SDK1: variants seen among roughly 807,000 people sequenced by gnomAD.
SDK1 encodes the protein protein sidekick-1.
In SDK1, 157 loss-of-function variants were observed where a neutral mutation model predicts 245.5. The observed-to-expected ratio is 0.64, with a 90% CI of 0.56 to 0.73. SDK1 has a LOEUF of 0.73. Among genes scored for constraint, SDK1 ranks in the 30% least tolerant of loss-of-function variants. The probability of loss-of-function intolerance (pLI) is 0.00; values close to 1 mark genes in which losing one functional copy is unlikely to be tolerated. For synonymous variants in SDK1, 1,647 were observed against 1,278.5 expected (o/e 1.29, Z -6.15); for missense variants, 3,583 against 3,002.3 (o/e 1.19, Z -4.52).
At chr7:3,857,384 G>A (rs752555052) in intron 5 of SDK1, among the ~76,000 whole-genome samples, 15 of 152,060 alleles carry the variant, frequency 9.9e-5, no homozygotes, top group East Asian at 1.9e-4. Flanking sequence ...GATTACTTGC[G>A]TAGAAAACCT....
Position 4,027,411 on chromosome 7 carries a change from G to C in SDK1, c.2602+10059G>C, listed in dbSNP as rs75677983. On this transcript the variant is annotated intron_variant, in intron 17 of 44. Coordinates refer to ENST00000404826, the MANE Select transcript of SDK1 (RefSeq NM_152744.4). ...GTGGGCTCCTTAGCATGTGTAGGTG[G>C]GGTTTGCACAGTCCCGTAGGGATAC... Among the ~76,000 whole-genome samples, 2,078 of 152,238 alleles carry C rather than the reference G, an allele frequency of 0.014. 124 individuals carry two copies. In the East Asian group the frequency reaches 0.18, roughly 14 times the overall value.
intron 1 of SDK1, among the ~76,000 whole-genome samples, chr7:3,551,835 C>T (rs1227170877): frequency 6.6e-6 from 1 of 152,042 alleles, no homozygotes; most frequent in African/African-American, 2.4e-5. Flanking sequence ...GCCACTGCAC[C>T]TGGCCTAAAT....
At chr7:3,970,902 G>C (rs571201436) in intron 11 of SDK1, among the ~76,000 whole-genome samples, 5 of 152,320 alleles carry the variant, frequency 3.3e-5, no homozygotes, top group African/African-American at 1.2e-4. Context: ...TTAGAGGTAT[G>C]GGTGCTACAG....
chr7:3,586,170 G>A (rs1780681593), intron 1 of SDK1, among the ~76,000 whole-genome samples: 1 of 151,856 alleles, frequency 6.6e-6, no homozygotes, highest in Admixed American at 6.6e-5. Context: ...AGTGAAGTGT[G>A]CCACACCCAG....
intron 1 of SDK1, among the ~76,000 whole-genome samples, chr7:3,586,507 C>T (rs572208731): frequency 1.3e-5 from 2 of 151,022 alleles, no homozygotes; most frequent in South Asian, 2.1e-4. Context: ...ACCATCCTGG[C>T]TAACACCGTG....
At chr7:4,147,921 C>G (rs780742437) in intron 29 of SDK1, among the ~76,000 whole-genome samples, 1 of 152,214 alleles carries the variant, frequency 6.6e-6, no homozygotes, top group Non-Finnish European at 1.5e-5. Flanking sequence ...ATCACAGACA[C>G]GGTCTCACAG....
chr7:4,219,755 T>C (rs910496599), intron 38 of SDK1, among the ~76,000 whole-genome samples: 5 of 151,990 alleles, frequency 3.3e-5, no homozygotes, highest in African/African-American at 1.2e-4. Flanking sequence ...GGAAGGGACA[T>C]TCCCTGGAGT....
intron 1 of SDK1, among the ~76,000 whole-genome samples, chr7:3,356,183 G>A (rs1780789149): frequency 6.6e-6 from 1 of 152,122 alleles, no homozygotes; most frequent in Non-Finnish European, 1.5e-5. Flanking sequence ...AATATCTGTA[G>A]TTTTGGAAAA....
intron 1 of SDK1, among the ~76,000 whole-genome samples, chr7:3,424,758 A>G (rs1779630277): frequency 6.6e-6 from 1 of 152,106 alleles, no homozygotes; most frequent in Non-Finnish European, 1.5e-5. Context: ...CTAGCCAGGC[A>G]TGGTGGCGTG....
chr7:3,622,367 G>A (rs531304098), intron 2 of SDK1, among the ~76,000 whole-genome samples: 14 of 152,272 alleles, frequency 9.2e-5, no homozygotes, highest in African/African-American at 2.6e-4. Context: ...TGTAATCCCA[G>A]CTACTTGGGA....
chr7:4,017,392 G>A, intron 17 of SDK1, 40 bp downstream of exon 17: 1 of 1,558,534 alleles, frequency 6.4e-7, no homozygotes, highest in Non-Finnish European at 8.7e-7. Flanking sequence ...CGGGATCTTT[G>A]CCGGGGAATG....
At position 3,951,038 on chromosome 7, in the gene SDK1, C is replaced by T. The variant is rs373662334; in HGVS notation, c.959+4C>T. Reference sequence around the variant, plus strand: ...TGGAATGTATAGCCAGTGCCAGGTACGAGGCGCGTCTCCTGTGAGACTCCT... The same window carrying T: ...TGGAATGTATAGCCAGTGCCAGGTATGAGGCGCGTCTCCTGTGAGACTCCT... On this transcript the variant is annotated splice_donor_region_variant and intron_variant, in intron 6 of 44. Coordinates refer to ENST00000404826, the MANE Select transcript of SDK1 (RefSeq NM_152744.4). 10 of 1,590,990 alleles carry T rather than the reference C, an allele frequency of 6.3e-6. No individual in the cohort carries two copies. Among genetic ancestry groups the T allele is most frequent in the East Asian group, 2.2e-5 (1 of 44,782 alleles).
intron 22 of SDK1, among the ~76,000 whole-genome samples, chr7:4,091,829 C>G (rs1022183613): frequency 4.6e-5 from 7 of 152,148 alleles, no homozygotes; most frequent in African/African-American, 1.7e-4. Context: ...AGGGAAAGAA[C>G]AGTTCTGCAG....
chr7:3,496,214 G>C (rs557833867), intron 1 of SDK1, among the ~76,000 whole-genome samples: 1 of 152,230 alleles, frequency 6.6e-6, no homozygotes, highest in African/African-American at 2.4e-5. Context: ...TGTCTCGTGG[G>C]ATCGCTGGAG....
At chr7:4,218,993 T>G (rs1406352015) in intron 38 of SDK1, among the ~76,000 whole-genome samples, 1 of 152,184 alleles carries the variant, frequency 6.6e-6, no homozygotes, top group African/African-American at 2.4e-5. Context: ...ATTTATTCTC[T>G]CCCCTAAAAT....
At chr7:3,589,083 C>T (rs1256951020) in intron 1 of SDK1, among the ~76,000 whole-genome samples, 1 of 152,228 alleles carries the variant, frequency 6.6e-6, no homozygotes, top group Non-Finnish European at 1.5e-5. Context: ...AATTCTGCAA[C>T]TCAGCAGGGA....
intron 30 of SDK1, among the ~76,000 whole-genome samples, 170 bp downstream of exon 30, chr7:4,149,633 T>G (rs1005025563): frequency 2.0e-5 from 3 of 152,144 alleles, no homozygotes; most frequent in African/African-American, 7.2e-5. Flanking sequence ...AACTCCTGGG[T>G]CCTGGAGCTA....
chr7:3,735,967 T>C (rs1309583398), intron 4 of SDK1, among the ~76,000 whole-genome samples: 2 of 152,240 alleles, frequency 1.3e-5, no homozygotes, highest in African/African-American at 4.8e-5. Flanking sequence ...CATATGCTTT[T>C]TGCTCTTTTG....
chr7:4,124,916 ATGGG>A (rs1312242928), intron 25 of SDK1, among the ~76,000 whole-genome samples: 13 of 148,548 alleles, frequency 8.8e-5, no homozygotes, highest in Non-Finnish European at 1.6e-4. Context: ...GGATGGATGG[ATGGG>A]TGGGTAGATG....
Sources: gnomAD v4.1 joint callset for allele counts (sites outside exome capture counted in the v4.1 genomes callset) on GRCh38, gnomAD v4.1.1 for gene constraint, MANE v1.5 for transcripts, NCBI Gene and HGNC (gene_info 2026-07-23, HGNC 2026-07-21) for gene names.